LRP1B: variants seen among roughly 807,000 people sequenced by gnomAD.
The protein encoded by LRP1B is low-density lipoprotein receptor-related protein 1B.
Under a neutral mutation model 556.6 loss-of-function variants are expected in LRP1B, and 217 were observed. The ratio of observed to expected loss-of-function variants is 0.39; its 90% CI spans 0.35 to 0.44. The LOEUF is 0.44. Among genes scored for constraint, LRP1B ranks in the 20% least tolerant of loss-of-function variants. LRP1B has a pLI of 1.00. For synonymous variants in LRP1B, 2,047 were observed against 1,865.8 expected (o/e 1.10, Z -2.50); for missense variants, 5,053 against 5,620.8 (o/e 0.90, Z 3.23).
intron 43 of LRP1B, among the ~76,000 whole-genome samples, chr2:140,547,399 G>C (rs1416624961): frequency 8.5e-5 from 13 of 152,072 alleles, no homozygotes; most frequent in Admixed American, 7.2e-4. Flanking sequence ...TATGTGTCCA[G>C]GAATTAATCT....
intron 80 of LRP1B, among the ~76,000 whole-genome samples, chr2:140,325,007 A>G (rs908030236): frequency 6.6e-6 from 1 of 152,066 alleles, no homozygotes; most frequent in African/African-American, 2.4e-5. Flanking sequence ...AAGCAAAGCT[A>G]TATTCAGTAA....
chr2:141,789,114 C>G (rs181545924), intron 2 of LRP1B, among the ~76,000 whole-genome samples: 17 of 152,112 alleles, frequency 1.1e-4, no homozygotes, highest in Admixed American at 1.1e-3. Context: ...GCCACACTGA[C>G]TTCCACAATG....
rs1269796914 is a variant in LRP1B at position 140,353,091 on chromosome 2, A to G, written c.11531-19T>C. 6.2e-7 allele frequency: 1 copy of G among 1,611,960 alleles called. No individual in the cohort carries two copies. The highest frequency in any genetic ancestry group is 1.1e-5 in the South Asian group (1 of 90,782). ...TTAAGGTCTAGAAAAGAAGAGCTCA[A>G]AATAGCATCATCATACCCTCAATTC... On this transcript the variant is annotated intron_variant, in intron 75 of 90. Coordinates refer to ENST00000389484, the MANE Select transcript of LRP1B (RefSeq NM_018557.3).
chr2:140,376,569 G>A (rs1365184945), intron 68 of LRP1B, among the ~76,000 whole-genome samples: 3 of 151,924 alleles, frequency 2.0e-5, no homozygotes, highest in Admixed American at 2.0e-4. Flanking sequence ...ACTCTCCTTT[G>A]TGTTTAAAAA....
intron 7 of LRP1B, among the ~76,000 whole-genome samples, chr2:141,121,207 T>C (rs1037132681): frequency 6.6e-6 from 1 of 152,032 alleles, no homozygotes; most frequent in Non-Finnish European, 1.5e-5. Flanking sequence ...TTAAATGCAA[T>C]AATCCATGTG....
In LRP1B at chr2:140,325,889, A is replaced by G. The variant is rs1420275737; in HGVS notation, c.12224-11T>C. 3.3e-6 allele frequency: 5 copies of G among 1,508,324 alleles called. No individual in the cohort carries two copies. The Admixed American group carries it at 8.5e-5, about 26-fold the overall frequency. The allele number at this position is 1,508,324 out of a possible 1,614,324, so 93.4% of individuals were successfully genotyped here. ...AATCCACAGCCAAACCTGCAAAATC[A>G]ACACACACAAGACAAATAGTGCAAG... On this transcript the variant is annotated splice_polypyrimidine_tract_variant and intron_variant, in intron 79 of 90. Coordinates refer to ENST00000389484, the MANE Select transcript of LRP1B (RefSeq NM_018557.3).
At chr2:140,435,662 T>C (rs1356553692) in intron 66 of LRP1B, among the ~76,000 whole-genome samples, 1 of 62,948 alleles carries the variant, frequency 1.6e-5, no homozygotes, top group African/African-American at 5.4e-5. Context: ...CTGTTATTGT[T>C]AAGACAGAAA....
At position 140,358,087 on chromosome 2, in the gene LRP1B, T is replaced by A; in HGVS notation, c.11287A>T (p.Lys3763Ter). 6.2e-7 allele frequency: 1 copy of A among 1,611,282 alleles called. No homozygotes were observed. Among genetic ancestry groups the A allele is most frequent in the Non-Finnish European group, 8.5e-7 (1 of 1,178,186 alleles). Reference protein sequence around the residue: ...GKLTYKARPCKKDEFACSNKK... With the variant: ...GKLTYKARPC Reference sequence around the variant, plus strand: ...TTACTACAAGCAAACTCATCCTTTTTACAAGGCCTTGCTTTATATGTCAGC... The same window carrying A: ...TTACTACAAGCAAACTCATCCTTTTAACAAGGCCTTGCTTTATATGTCAGC... Residue 3763 changes from lysine to a stop codon, truncating the protein, a stop_gained, in exon 74 of 91, where the codon AAA (lysine) becomes TAA (stop). Coordinates refer to ENST00000389484, the MANE Select transcript of LRP1B (RefSeq NM_018557.3). LOFTEE classifies it high-confidence loss of function.
At chr2:140,550,005 CT>C (rs1680487739) in intron 43 of LRP1B, among the ~76,000 whole-genome samples, 2 of 152,088 alleles carry the variant, frequency 1.3e-5, no homozygotes, top group Non-Finnish European at 1.5e-5. Flanking sequence ...TCTCCCTCCC[CT>C]AGCCCCCACC....
At chr2:141,646,895 G>C (rs903222580) in intron 2 of LRP1B, among the ~76,000 whole-genome samples, 1 of 152,134 alleles carries the variant, frequency 6.6e-6, no homozygotes, top group Non-Finnish European at 1.5e-5. Context: ...GTCAGTCAAG[G>C]GGGGAACAAG....
chr2:141,628,804 C>T (rs1182687085), intron 2 of LRP1B, among the ~76,000 whole-genome samples: 1 of 152,040 alleles, frequency 6.6e-6, no homozygotes, highest in African/African-American at 2.4e-5. Flanking sequence ...CTTGCCACCA[C>T]ACCCAGCTAA....
At chr2:141,532,508 AT>A (rs5834842) in intron 2 of LRP1B, among the ~76,000 whole-genome samples, 28,918 of 149,852 alleles carry the variant, frequency 0.19, 2,878 homozygotes, top group South Asian at 0.39. Flanking sequence ...AGTCATTTTT[AT>A]TTTTTTTTTC....
In LRP1B at chr2:141,014,394, G is replaced by A. The variant is rs533316534; in HGVS notation, c.2191-649C>T. Among the ~76,000 whole-genome samples the A allele has an allele frequency of 4.6e-5, 7 of 152,088 alleles. No homozygotes were observed. In the East Asian group the frequency reaches 5.8e-4, roughly 13 times the overall value. On this transcript the variant is annotated intron_variant, in intron 13 of 90. Coordinates refer to ENST00000389484, the MANE Select transcript of LRP1B (RefSeq NM_018557.3). ...TACATTCTAGTTATATTGTTTTGTT[G>A]TTCCTTAAATGGAGGAATCATGTGA...
chr2:140,291,318 A>ATATATATATTTT lies in LRP1B; in HGVS notation c.12967+6489_12967+6490insAAAATATATATA, dbSNP rs369391920. Among the ~76,000 whole-genome samples, 33 of 109,332 alleles carry ATATATATATTTT rather than the reference A, an allele frequency of 3.0e-4. 1 individual carries two copies. Among genetic ancestry groups the ATATATATATTTT allele is most frequent in the African/African-American group, 3.9e-4 (13 of 33,764 alleles). 71.7% of individuals were successfully genotyped at this position (109,332 alleles called of 152,430 possible). ...TTATTTTATATATATATATATATAT[A>ATATATATATTTT]TTTTTATTATACTTTAAGTTCTAGG... On this transcript the variant is annotated intron_variant, in intron 84 of 90. Coordinates refer to ENST00000389484, the MANE Select transcript of LRP1B (RefSeq NM_018557.3).
rs1363092753 is a variant in LRP1B at position 140,373,092 on chromosome 2, T to G, written c.10684A>C (p.Asn3562His). Reference protein sequence around the residue: ...SCSKDQFRCSNGQCIPAKWKC... With the variant: ...SCSKDQFRCSHGQCIPAKWKC... The stretch of plus-strand genomic sequence containing the variant: ...CATTTTGCTGGTATACACTGACCAT[T>G]GGAACACCGGAACTGATCTTTGGAA... Residue 3562 changes from asparagine (N) to histidine (H), a missense_variant, in exon 69 of 91, where the codon AAT (asparagine) becomes CAT (histidine). Transcript: ENST00000389484. 1 of 1,613,258 alleles carries G rather than the reference T, an allele frequency of 6.2e-7. No homozygotes were observed. The highest frequency in any genetic ancestry group is 1.3e-5 in the African/African-American group (1 of 74,870).
intron 1 of LRP1B, among the ~76,000 whole-genome samples, chr2:141,973,066 G>A (rs925063231): frequency 6.6e-6 from 1 of 151,450 alleles, no homozygotes; most frequent in South Asian, 2.1e-4. Flanking sequence ...TTATTATGTA[G>A]TGTTTTATCA....
At chr2:141,552,208 A>T (rs962856751) in intron 2 of LRP1B, among the ~76,000 whole-genome samples, 5 of 151,992 alleles carry the variant, frequency 3.3e-5, no homozygotes, top group African/African-American at 1.2e-4. Flanking sequence ...GGACAAAATT[A>T]TTTTTTATTT....
chr2:141,521,598 T>C (rs1013489317), intron 2 of LRP1B, among the ~76,000 whole-genome samples: 12 of 151,916 alleles, frequency 7.9e-5, no homozygotes, highest in African/African-American at 2.7e-4. Flanking sequence ...TTGAGATATA[T>C]ATATATAAAA....
intron 84 of LRP1B, among the ~76,000 whole-genome samples, chr2:140,275,229 G>A (rs1430158287): frequency 6.6e-6 from 1 of 151,996 alleles, no homozygotes; most frequent in Non-Finnish European, 1.5e-5. Flanking sequence ...ATACAAACCT[G>A]TGATCAATTA....
Sources: gnomAD v4.1 joint callset for allele counts (sites outside exome capture counted in the v4.1 genomes callset) on GRCh38, gnomAD v4.1.1 for gene constraint, MANE v1.5 for transcripts, NCBI Gene and HGNC (gene_info 2026-07-23, HGNC 2026-07-21) for gene names.